The following SLC14A2 variants were observed in gnomAD, a reference collection of about 807,000 sequenced individuals.
SLC14A2 encodes solute carrier family 14 member 2.
SLC14A2 carries 91 observed loss-of-function variants against 104.6 expected under a neutral mutation model. The ratio of observed to expected loss-of-function variants is 0.87; its 90% CI spans 0.73 to 1.04. The LOEUF (loss-of-function observed/expected upper bound fraction) is 1.04, where lower values mean the gene tolerates loss of function less well. Ranked by LOEUF, SLC14A2 falls within the 50% of genes least tolerant of loss-of-function variation. The pLI is 0.00. For missense variants in SLC14A2, 1,189 were observed against 1,156.0 expected (o/e 1.03, Z -0.41); for synonymous variants, 476 against 466.4 (o/e 1.02, Z -0.27).
chr18:45,309,561 T>C (rs1181247919), intron 1 of SLC14A2, among the ~76,000 whole-genome samples: 1 of 152,188 alleles, frequency 6.6e-6, no homozygotes, highest in African/African-American at 2.4e-5. Context: ...CCCTGACTTT[T>C]TTACAGTCCG....
intron 1 of SLC14A2, among the ~76,000 whole-genome samples, chr18:45,268,960 G>T (rs947755980): frequency 6.8e-6 from 1 of 147,386 alleles, no homozygotes; most frequent in Admixed American, 6.7e-5. Flanking sequence ...TGCTGTTGGT[G>T]TGTTTGTGTG....
chr18:45,436,854 C>A (rs1276369809), intron 1 of SLC14A2: 1 of 151,784 alleles, frequency 6.6e-6, no homozygotes, highest in East Asian at 1.9e-4. Flanking sequence ...AACCAAAAAA[C>A]AATGCATATT....
At chr18:45,304,575 G>A (rs1316232666) in intron 1 of SLC14A2, among the ~76,000 whole-genome samples, 1 of 152,234 alleles carries the variant, frequency 6.6e-6, no homozygotes, top group Non-Finnish European at 1.5e-5. Flanking sequence ...AGAAGGCATT[G>A]TAACTTGTTA....
intron 1 of SLC14A2, among the ~76,000 whole-genome samples, chr18:45,357,867 T>A (rs1371805010): frequency 6.6e-6 from 1 of 152,030 alleles, no homozygotes; most frequent in Non-Finnish European, 1.5e-5. Flanking sequence ...AAGCACAGAG[T>A]TTTTGGTAAC....
upstream of SLC14A2, among the ~76,000 whole-genome samples, chr18:45,610,755 C>T (rs1275748509): frequency 6.6e-6 from 1 of 152,210 alleles, no homozygotes; most frequent in Admixed American, 6.5e-5. Context: ...TGGCCACACA[C>T]ATCCATTGAT....
intron 2 of SLC14A2, among the ~76,000 whole-genome samples, chr18:45,496,458 C>G (rs963503868): frequency 1.3e-5 from 2 of 152,120 alleles, no homozygotes; most frequent in Non-Finnish European, 2.9e-5. Flanking sequence ...GTAGCTAGAA[C>G]AAAGCAGGCA....
chr18:45,440,526 T>A (rs2086666593), intron 1 of SLC14A2: 1 of 152,226 alleles, frequency 6.6e-6, no homozygotes. Context: ...GTGAACCCAG[T>A]AAGCCTAGGC....
At chr18:45,293,510 A>G (rs1349916686) in intron 1 of SLC14A2, among the ~76,000 whole-genome samples, 1 of 152,060 alleles carries the variant, frequency 6.6e-6, no homozygotes, top group Non-Finnish European at 1.5e-5. Context: ...GTGTCAGGCA[A>G]GGTCCCCCCG....
the SLC14A2 span, among the ~76,000 whole-genome samples, chr18:45,195,932 G>T: frequency 4.6e-5 from 7 of 152,102 alleles, no homozygotes. Flanking sequence ...TTCGTGAATC[G>T]GGCAGCCTCC....
chr18:45,414,775 T>A lies in SLC14A2; in HGVS notation c.-124-68458T>A, dbSNP rs1422876355. ...AAAAAAAAATATATATATATATATA[T>A]ATATATATATATATATATATAGAAA... On this transcript the variant is annotated intron_variant, in intron 1 of 20. Transcript: ENST00000586448. Among the ~76,000 whole-genome samples, 115 of 119,558 alleles carry A rather than the reference T, an allele frequency of 9.6e-4. 2 individuals carry two copies. The highest frequency in any genetic ancestry group is 2.5e-3 in the African/African-American group (70 of 28,476). 78.4% of individuals were successfully genotyped at this position (119,558 alleles called of 152,430 possible).
chr18:45,285,779 T>A (rs902776012), intron 1 of SLC14A2, among the ~76,000 whole-genome samples: 1 of 150,534 alleles, frequency 6.6e-6, no homozygotes, highest in African/African-American at 2.5e-5. Flanking sequence ...GTTTCATGCA[T>A]GACATGTCTC....
chr18:45,541,612 A>T lies in SLC14A2; in HGVS notation c.-35+58290A>T, dbSNP rs1238046155. On this transcript the variant is annotated intron_variant, in intron 2 of 20. Coordinates refer to the SLC14A2 transcript ENST00000586448. ...AGTTAGTTAAAATGTAACTAGGAAG[A>T]TATCATTCTAGGCCTGAGCTAATGA... Among the ~76,000 whole-genome samples the T allele has an allele frequency of 2.6e-5, 4 of 152,366 alleles. No homozygotes were observed. The East Asian group carries it at 7.7e-4, about 29-fold the overall frequency.
rs113126167 is a variant in SLC14A2 at position 45,627,839 on chromosome 18, G to A, written c.521+692G>A. Among the ~76,000 whole-genome samples, 1,100 of 151,716 alleles carry A rather than the reference G, an allele frequency of 7.3e-3. 13 individuals carry two copies. Among genetic ancestry groups the A allele is most frequent in the African/African-American group, 0.023 (961 of 41,330 alleles). ...AGTCTGGCCAACATGGTGAAACCCC[G>A]TCTCTACTACAAATACAAAAATCAG... On this transcript the variant is annotated intron_variant, in intron 4 of 19. Transcript: ENST00000255226.
chr18:45,456,450 C>T (rs961138309), intron 1 of SLC14A2, among the ~76,000 whole-genome samples: 15 of 152,222 alleles, frequency 9.9e-5, no homozygotes, highest in African/African-American at 3.6e-4. Flanking sequence ...GGCAGGAGTC[C>T]AGCCTTACAC....
At chr18:45,500,688 T>G (rs2043184708) in intron 2 of SLC14A2, among the ~76,000 whole-genome samples, 1 of 152,182 alleles carries the variant, frequency 6.6e-6, no homozygotes, top group Non-Finnish European at 1.5e-5. Flanking sequence ...TCAGAACTGT[T>G]GCACATTCCT....
chr18:45,680,097 T>C (rs1251575449), intron 19 of SLC14A2, among the ~76,000 whole-genome samples: 3 of 152,180 alleles, frequency 2.0e-5, no homozygotes, highest in South Asian at 2.1e-4. Flanking sequence ...CGGGGTTGAA[T>C]AGCGAAGCAT....
At chr18:45,682,254 A>G in intron 19 of SLC14A2, 65 bp from the exon 20 acceptor site, 1 of 1,421,264 alleles carries the variant, frequency 7.0e-7, no homozygotes, top group Non-Finnish European at 1.0e-6. Context: ...GGTGATTGAT[A>G]AGGGCTGATT....
chr18:45,295,974 A>AGTAGGTAGTGAGTACTCAATCCG (rs1433843384), intron 1 of SLC14A2, among the ~76,000 whole-genome samples: 19 of 152,190 alleles, frequency 1.2e-4, no homozygotes, highest in Admixed American at 3.9e-4. Context: ...TGAGGAATCT[A>AGTAGGTAGTGAGTACTCAATCCG]GTAGGTAGTG....
At chr18:45,403,874 A>G (rs773277826) in intron 1 of SLC14A2, among the ~76,000 whole-genome samples, 26 of 152,202 alleles carry the variant, frequency 1.7e-4, no homozygotes, top group Non-Finnish European at 2.5e-4. Flanking sequence ...CGTAAGATAA[A>G]GGACAAGCAC....
Sources: allele counts gnomAD v4.1 joint callset (sites outside exome capture counted in the v4.1 genomes callset), GRCh38; gene constraint gnomAD v4.1.1; transcripts MANE v1.5; gene names NCBI Gene and HGNC (gene_info 2026-07-23, HGNC 2026-07-21).